PCDH11X: variants seen among roughly 807,000 people sequenced by gnomAD.
The protein encoded by PCDH11X is protocadherin 11 X-linked.
In PCDH11X, 18 loss-of-function variants were observed where a neutral mutation model predicts 53.3. The ratio of observed to expected loss-of-function variants is 0.34; its 90% confidence interval spans 0.23 to 0.50. The LOEUF is 0.50. PCDH11X is among the 20% of genes least tolerant of loss of function. The pLI is 0.98. For synonymous variants in PCDH11X, 279 were observed against 393.3 expected, an observed-to-expected ratio of 0.71 and a Z score of 3.44; for missense variants, 570 against 1,032.4, an observed-to-expected ratio of 0.55 and a Z score of 6.14.
chrX:91,887,701 T>A (rs1940297112), intron 6 of PCDH11X, among the ~76,000 whole-genome samples: 1 of 111,750 alleles, frequency 8.9e-6, no homozygotes. Flanking sequence ...GTGGTGCATT[T>A]TAAAATTATA....
At chrX:92,198,410 CAAAA>C (rs148083122) in intron 6 of PCDH11X, among the ~76,000 whole-genome samples, 1 of 31,622 alleles carries the variant, frequency 3.2e-5, no homozygotes, top group African/African-American at 1.3e-4. Flanking sequence ...GATCCTGTCT[CAAAA>C]AAAAAAAAAA....
chrX:92,495,703 T>G (rs2073848957), intron 10 of PCDH11X, among the ~76,000 whole-genome samples: 1 of 107,993 alleles, frequency 9.3e-6, no homozygotes, highest in Admixed American at 9.8e-5. Context: ...CAGTTTCACA[T>G]GGCTGAGGAG....
intron 6 of PCDH11X, among the ~76,000 whole-genome samples, chrX:92,084,091 AAACAACAAC>A (rs200977655): frequency 0.18 from 19,715 of 107,766 alleles, 1,654 homozygotes; most frequent in East Asian, 0.4. Flanking sequence ...ACTCTGTCAA[AAACAACAAC>A]AACAACAACA....
intron 8 of PCDH11X, among the ~76,000 whole-genome samples, chrX:92,343,833 T>C (rs1441242123): frequency 9.0e-6 from 1 of 111,644 alleles, no homozygotes; most frequent in African/African-American, 3.2e-5. Context: ...CTGAAGTGGG[T>C]CCTCTGTTGA....
intron 10 of PCDH11X, among the ~76,000 whole-genome samples, chrX:92,612,293 G>A (rs1439287473): frequency 1.8e-5 from 2 of 110,203 alleles, no homozygotes; most frequent in African/African-American, 6.6e-5. Context: ...GCATTGATCT[G>A]TTCACGGTTT....
intron 8 of PCDH11X, among the ~76,000 whole-genome samples, chrX:92,383,464 A>G (rs2754872): frequency 0.42 from 45,165 of 108,512 alleles, 7,345 homozygotes; most frequent in Non-Finnish European, 0.5. Context: ...TCCTAATGCT[A>G]TCCCTCCCCT....
intron 6 of PCDH11X, among the ~76,000 whole-genome samples, chrX:92,106,921 A>T (rs1351138091): frequency 9.0e-6 from 1 of 111,651 alleles, no homozygotes; most frequent in African/African-American, 3.3e-5. Context: ...CAGCATTAGC[A>T]TCAACACAGA....
chrX:91,829,138 A>C (rs1221861144), intron 4 of PCDH11X, among the ~76,000 whole-genome samples: 2 of 110,794 alleles, frequency 1.8e-5, no homozygotes, highest in Non-Finnish European at 1.9e-5. Context: ...ATCAATAGTA[A>C]AATATTAATT....
intron 1 of PCDH11X, among the ~76,000 whole-genome samples, chrX:91,796,420 A>G (rs1307421954): frequency 9.0e-6 from 1 of 111,308 alleles, no homozygotes; most frequent in Non-Finnish European, 1.9e-5. Flanking sequence ...TTTTGAAACT[A>G]CTATATAGAT....
intron 10 of PCDH11X, among the ~76,000 whole-genome samples, chrX:92,554,357 T>C (rs2075013032): frequency 9.8e-6 from 1 of 102,311 alleles, no homozygotes; most frequent in Non-Finnish European, 2.0e-5. Context: ...AACACTAAAA[T>C]TTAGCCTGAT....
At chrX:91,852,441 G>T (rs1333829870) in intron 5 of PCDH11X, among the ~76,000 whole-genome samples, 8 of 109,076 alleles carry the variant, frequency 7.3e-5, no homozygotes, top group Non-Finnish European at 1.5e-4. Context: ...TTGCACAAAT[G>T]ATTCTAATGC....
intron 6 of PCDH11X, among the ~76,000 whole-genome samples, chrX:92,111,067 A>G (rs1320036452): frequency 9.3e-6 from 1 of 107,181 alleles, no homozygotes; most frequent in Admixed American, 1.0e-4. Flanking sequence ...CCTTCTAAAT[A>G]CTTGGCAAAG....
intron 9 of PCDH11X, among the ~76,000 whole-genome samples, chrX:92,398,642 G>T (rs528127234): frequency 1.3e-4 from 14 of 110,385 alleles, no homozygotes; most frequent in South Asian, 1.2e-3. Context: ...ACATTTTAGT[G>T]GTTATTAAAG....
At chrX:92,061,346 T>C (rs1471891813) in intron 6 of PCDH11X, among the ~76,000 whole-genome samples, 2 of 112,078 alleles carry the variant, frequency 1.8e-5, no homozygotes, top group Non-Finnish European at 3.8e-5. Context: ...TTAGTTCTCA[T>C]GTGTCAACTT....
intron 10 of PCDH11X, among the ~76,000 whole-genome samples, chrX:92,587,894 G>A (rs959604413): frequency 2.7e-5 from 3 of 110,856 alleles, no homozygotes; most frequent in African/African-American, 9.9e-5. Context: ...TTTTCATCAT[G>A]ATAAAATGAT....
intron 9 of PCDH11X, among the ~76,000 whole-genome samples, chrX:92,404,480 A>G (rs2053850800): frequency 9.0e-6 from 1 of 111,400 alleles, no homozygotes; most frequent in African/African-American, 3.3e-5. Flanking sequence ...TCGATCACAT[A>G]GAAATGTAGA....
intron 10 of PCDH11X, among the ~76,000 whole-genome samples, chrX:92,550,203 C>T (rs1201159470): frequency 9.1e-6 from 1 of 110,033 alleles, no homozygotes; most frequent in African/African-American, 3.3e-5. Flanking sequence ...GGTATTAATC[C>T]TTTGTGCCTG....
chrX:92,609,244 T>A (rs1927114583), intron 10 of PCDH11X, among the ~76,000 whole-genome samples: 1 of 111,959 alleles, frequency 8.9e-6, no homozygotes, highest in African/African-American at 3.2e-5. Context: ...TCAAATATTT[T>A]GCATAAATAT....
chrX:92,230,440 ATATTTATATATAATT>A (rs2067046934), intron 7 of PCDH11X, among the ~76,000 whole-genome samples: 1 of 21,286 alleles, frequency 4.7e-5, no homozygotes, highest in South Asian at 4.2e-3. Context: ...TATATATTAT[ATATTTATATATAATT>A]TATAAAATAT....
Sources: allele counts gnomAD v4.1 joint callset (sites outside exome capture counted in the v4.1 genomes callset), GRCh38; gene constraint gnomAD v4.1.1; transcripts MANE v1.5; gene names NCBI Gene and HGNC (gene_info 2026-07-23, HGNC 2026-07-21).